VPS45: variants seen among roughly 807,000 people sequenced by gnomAD.
VPS45 encodes the protein vacuolar protein sorting 45 homolog.
A neutral mutation model predicts 75.9 loss-of-function variants in VPS45; 35 were observed. The observed-to-expected ratio is 0.46, with a 90% CI of 0.35 to 0.61. The LOEUF is 0.61. Ranked by LOEUF, VPS45 falls within the 20% of genes least tolerant of loss-of-function variation. The pLI is 0.00. For synonymous variants in VPS45, 220 were observed against 238.2 expected (o/e 0.92, Z 0.70); for missense variants, 559 against 685.9 (o/e 0.81, Z 2.07).
intron 7 of VPS45, among the ~76,000 whole-genome samples, chr1:150,079,235 A>T (rs1241394240): frequency 6.6e-6 from 1 of 151,910 alleles, no homozygotes; most frequent in Non-Finnish European, 1.5e-5. Flanking sequence ...AGACTTGTAG[A>T]CCTTTGTGTC....
intron 13 of VPS45, among the ~76,000 whole-genome samples, chr1:150,107,901 C>CA (rs367885029): frequency 2.7e-5 from 4 of 150,730 alleles, no homozygotes; most frequent in East Asian, 1.9e-4. Context: ...GACTCCGTCT[C>CA]AAAAAAAAAG....
chr1:150,071,284 C>CT (rs146652143), intron 2 of VPS45, among the ~76,000 whole-genome samples: 3,733 of 152,144 alleles, frequency 0.025, 146 homozygotes, highest in African/African-American at 0.084. Context: ...TAAAAATCAA[C>CT]TTTTTTGTTT....
chr1:150,073,719 A>G (rs1258055474), intron 3 of VPS45, among the ~76,000 whole-genome samples: 7 of 152,096 alleles, frequency 4.6e-5, no homozygotes, highest in African/African-American at 7.2e-5. Flanking sequence ...AGTATCTTAC[A>G]TGATGATAGT....
chr1:150,091,923 C>A lies in VPS45; in HGVS notation c.1105-14C>A. The A allele has an allele frequency of 6.2e-7, 1 of 1,609,968 alleles. No homozygotes were observed. The highest frequency in any genetic ancestry group is 8.5e-7 in the Non-Finnish European group (1 of 1,178,454). ...AGTGAAAGGGGGATAAATATAAGTT[C>A]TATCTTTCTTCAGAATATAAAAAGG... is the stretch of plus-strand genomic sequence containing the variant. On this transcript the variant is annotated splice_polypyrimidine_tract_variant and intron_variant, in intron 10 of 14. Coordinates refer to ENST00000644510, the MANE Select transcript of VPS45 (RefSeq NM_007259.5).
At chr1:150,091,791 A>G (rs1445650840) in intron 10 of VPS45, 146 bp from the exon 11 acceptor site, 7 of 611,140 alleles carry the variant, frequency 1.1e-5, no homozygotes, top group Non-Finnish European at 1.8e-5. Flanking sequence ...TTAATTTTCT[A>G]TAGTTGAGAC....
At chr1:150,128,358 T>G (rs1211158540) in intron 14 of VPS45, among the ~76,000 whole-genome samples, 4 of 152,050 alleles carry the variant, frequency 2.6e-5, no homozygotes, top group African/African-American at 4.8e-5. Context: ...GTTTCATAAC[T>G]ATCTGAAATG....
intron 7 of VPS45, among the ~76,000 whole-genome samples, chr1:150,080,267 C>A (rs1239314202): frequency 6.6e-6 from 1 of 151,838 alleles, no homozygotes; most frequent in African/African-American, 2.4e-5. Context: ...GCCTCAGCCT[C>A]CTGAGTAGCT....
intron 3 of VPS45, 113 bp from the exon 4 acceptor site, chr1:150,076,120 A>T (rs1254146154): frequency 2.3e-5 from 10 of 433,728 alleles, no homozygotes; most frequent in Non-Finnish European, 4.0e-5. Context: ...TATTTTTGCT[A>T]CCCATTCCAA....
rs139537887 is a variant in VPS45, at chr1:150,092,427, A to G, written c.1371+18A>G. 8 of 1,605,350 alleles carry G rather than the reference A, an allele frequency of 5.0e-6. No homozygotes were observed. Among genetic ancestry groups the G allele is most frequent in the Admixed American group, 1.7e-5 (1 of 59,816 alleles). On this transcript the variant is annotated intron_variant, in intron 12 of 14. Coordinates refer to ENST00000644510, the MANE Select transcript of VPS45 (RefSeq NM_007259.5). ...GACTGAAGGTATAGACATCTCCTCT[A>G]TGCTCTCCTGAGTGAGAACAGTTGA...
chr1:150,118,473 T>G (rs1658060386), intron 14 of VPS45, among the ~76,000 whole-genome samples: 1 of 151,854 alleles, frequency 6.6e-6, no homozygotes, highest in Non-Finnish European at 1.5e-5. Context: ...TGGTTTGATC[T>G]CAGCTCACTG....
At chr1:150,138,655 T>C (rs1315746796) in intron 14 of VPS45, among the ~76,000 whole-genome samples, 2 of 152,180 alleles carry the variant, frequency 1.3e-5, no homozygotes, top group African/African-American at 4.8e-5. Context: ...CTCCAGACTC[T>C]GCCAAATGTC....
chr1:150,134,747 A>T lies in VPS45; in HGVS notation c.1626-9962A>T, dbSNP rs139399609. Among the ~76,000 whole-genome samples the T allele has an allele frequency of 1.2e-3, 184 of 152,326 alleles. 1 individual carries two copies. The South Asian group carries it at 0.018, about 15-fold the overall frequency. On this transcript the variant is annotated intron_variant, in intron 14 of 14. Transcript: ENST00000644510. ...CCTCAATCATTTTTCAGTGCTGTGT[A>T]ACATTCCATTATGTGAACATACCAC...
chr1:150,083,453 A>G (rs1553799957), intron 10 of VPS45: 1 of 152,034 alleles, frequency 6.6e-6, no homozygotes, highest in East Asian at 1.9e-4. Context: ...AGAAATTTAA[A>G]CCAGCAATTG....
At chr1:150,107,903 A>G (rs1657419067) in intron 13 of VPS45, among the ~76,000 whole-genome samples, 1 of 151,468 alleles carries the variant, frequency 6.6e-6, no homozygotes, top group African/African-American at 2.4e-5. Context: ...CTCCGTCTCA[A>G]AAAAAAAGCA....
At chr1:150,081,204 A>C in intron 7 of VPS45, 138 bp from the exon 8 acceptor site, 1 of 826,854 alleles carries the variant, frequency 1.2e-6, no homozygotes, top group Non-Finnish European at 1.8e-6. Flanking sequence ...AGCACAAAGT[A>C]TGAATAAAAT....
At chr1:150,090,690 A>C (rs1440594386) in intron 10 of VPS45, among the ~76,000 whole-genome samples, 1 of 152,220 alleles carries the variant, frequency 6.6e-6, no homozygotes, top group Admixed American at 6.5e-5. Flanking sequence ...CCTGGGGCTC[A>C]TGTTTTCTTC....
intron 14 of VPS45, among the ~76,000 whole-genome samples, chr1:150,115,047 G>A (rs1657859639): frequency 2.6e-5 from 4 of 152,084 alleles, no homozygotes; most frequent in African/African-American, 7.2e-5. Flanking sequence ...ATGGAATGCT[G>A]TATTACTTGG....
chr1:150,101,104 A>C (rs1656953582), intron 13 of VPS45, among the ~76,000 whole-genome samples: 1 of 152,176 alleles, frequency 6.6e-6, no homozygotes, highest in African/African-American at 2.4e-5. Context: ...CCCTGTCTCT[A>C]CTAAAAATAC....
intron 14 of VPS45, 103 bp from the exon 15 acceptor site, chr1:150,144,606 T>G: frequency 1.0e-6 from 1 of 986,742 alleles, no homozygotes; most frequent in East Asian, 2.6e-5. Flanking sequence ...TCCTGCCTAC[T>G]ATTCATGATA....
Sources: allele counts gnomAD v4.1 joint callset (sites outside exome capture counted in the v4.1 genomes callset), GRCh38; gene constraint gnomAD v4.1.1; transcripts MANE v1.5; gene names NCBI Gene and HGNC (gene_info 2026-07-23, HGNC 2026-07-21).